HIVEP1: variants seen among roughly 807,000 people sequenced by gnomAD.
HIVEP1 encodes the protein zinc finger protein 40.
HIVEP1 carries 36 observed loss-of-function variants against 180.0 expected under a neutral mutation model. The ratio of observed to expected loss-of-function variants is 0.20; its 90% CI spans 0.15 to 0.26. HIVEP1 has a LOEUF of 0.26. Ranked by LOEUF, HIVEP1 falls within the 10% of genes least tolerant of loss-of-function variation. The probability of loss-of-function intolerance (pLI) is 1.00; values close to 1 mark genes in which losing one functional copy is unlikely to be tolerated. For missense variants in HIVEP1, 3,143 were observed against 3,268.7 expected (o/e 0.96, Z 0.94); for synonymous variants, 1,239 against 1,239.0 (o/e 1.00, Z 0.00).
Position 12,146,963 on chromosome 6 carries a change from T to G in HIVEP1, c.6487+11071T>G, listed in dbSNP as rs568141200. ...CCCAGAAGGAAGGGAAGGAATTTAT[T>G]TATCCCTACACTGCTGCATTTGGAA... is the stretch of plus-strand genomic sequence containing the variant. On this transcript the variant is annotated intron_variant, in intron 7 of 8. Transcript: ENST00000379388. 8.6e-4 allele frequency among the ~76,000 whole-genome samples: 131 copies of G among 152,080 alleles called. 1 individual carries two copies. The highest frequency in any genetic ancestry group is 1.6e-3 in the Non-Finnish European group (107 of 67,994).
intron 2 of HIVEP1, among the ~76,000 whole-genome samples, chr6:12,084,519 A>G (rs993979172): frequency 6.6e-5 from 10 of 152,298 alleles, no homozygotes; most frequent in African/African-American, 2.4e-4. Flanking sequence ...GCTGGATACA[A>G]TTTTAATTTT....
Position 12,121,991 on chromosome 6 carries a change from A to G in HIVEP1, c.2196A>G (p.Pro732=), listed in dbSNP as rs185723293. ...CAGGGGAAAAGGCATTGCTTTTACC[A>G]GGTCAGATGCGCCCACCTTTGGCCA... ...LPTGEKALLL[P]GQMRPPLATK... The change falls in exon 4 of 9, where the codon CCA becomes CCG. Residue 732 remains proline, a synonymous_variant. Transcript: ENST00000379388. This position sits in a 1 kb window ranked among gnomAD's most constrained non-coding sequence, Gnocchi z 5.3. The G allele has an allele frequency of 1.1e-5, 18 of 1,614,050 alleles. No homozygotes were observed. The highest frequency in any genetic ancestry group is 1.4e-5 in the Non-Finnish European group (17 of 1,180,032).
the HIVEP1 span, among the ~76,000 whole-genome samples, chr6:12,211,577 C>T: frequency 6.6e-6 from 1 of 151,134 alleles, no homozygotes; most frequent in African/African-American, 2.4e-5. Flanking sequence ...TTCATACATA[C>T]ATCCATGTGT....
At chr6:12,196,265 G>C in the HIVEP1 span, among the ~76,000 whole-genome samples, 1 of 152,170 alleles carries the variant, frequency 6.6e-6, no homozygotes, top group African/African-American at 2.4e-5. Context: ...CTTTGTGGTT[G>C]AGAAGCTTCC....
rs1760564763 is a variant in HIVEP1 at position 12,163,791 on chromosome 6, T to C, written c.7487T>C (p.Val2496Ala). The change falls in exon 9 of 9, where the codon GTC (valine) becomes GCC (alanine). Residue 2496 changes from valine (V) to alanine (A), a missense_variant. Physicochemically the swap from Val to Ala is moderately conservative, Grantham distance 64. Coordinates refer to ENST00000379388, the MANE Select transcript of HIVEP1 (RefSeq NM_002114.4). ...QSLPSLSMET[V>A]NIVGLANTNM... Reference sequence around the variant, plus strand: ...CTCCCCTCGTTAAGCATGGAAACCGTCAATATTGTAGGCCTAGCCAATACA... The same window carrying C: ...CTCCCCTCGTTAAGCATGGAAACCGCCAATATTGTAGGCCTAGCCAATACA... The C allele has an allele frequency of 6.2e-7, 1 of 1,614,010 alleles. No individual in the cohort carries two copies. The highest frequency in any genetic ancestry group is 8.5e-7 in the Non-Finnish European group (1 of 1,180,016).
chr6:12,125,982 G>A, intron 4 of HIVEP1, 112 bp downstream of exon 4: 1 of 668,420 alleles, frequency 1.5e-6, no homozygotes, highest in Non-Finnish European at 2.5e-6. Flanking sequence ...GTGACAAATT[G>A]TGCTGTAAAT....
Position 12,012,485 on chromosome 6 carries a change from C to G in HIVEP1, c.-185C>G, listed in dbSNP as rs896443199. 4 of 150,134 alleles carry G rather than the reference C, an allele frequency of 2.7e-5. No homozygotes were observed. The highest frequency in any genetic ancestry group is 6.6e-5 in the Admixed American group (1 of 15,070). The allele number at this position is 150,134 out of a possible 1,614,324, so 9.3% of individuals were successfully genotyped here. ...CGCCGCGCGGGGGTCGCGGAGATCC[C>G]GAGCCGCGGCCGCCGCCATCAGCAG... On this transcript the variant is annotated 5_prime_UTR_variant, in exon 1 of 9. Coordinates refer to ENST00000379388, the MANE Select transcript of HIVEP1 (RefSeq NM_002114.4).
intron 2 of HIVEP1, among the ~76,000 whole-genome samples, chr6:12,078,252 G>A (rs895619193): frequency 7.9e-5 from 12 of 152,062 alleles, no homozygotes; most frequent in Admixed American, 5.9e-4. Flanking sequence ...ATTTAAGAAC[G>A]TCTGAAAGAA....
chr6:12,094,205 T>TC (rs1446021146), intron 3 of HIVEP1, among the ~76,000 whole-genome samples: 2 of 152,212 alleles, frequency 1.3e-5, no homozygotes, highest in Admixed American at 1.3e-4. Flanking sequence ...TATTTTTATA[T>TC]CCAGCTACTT....
At chr6:12,197,990 G>T in the HIVEP1 span, among the ~76,000 whole-genome samples, 1 of 152,314 alleles carries the variant, frequency 6.6e-6, no homozygotes, top group Admixed American at 6.5e-5. Flanking sequence ...GGACCAGTTG[G>T]CTGGACGTGG....
At chr6:12,132,965 C>T (rs1758507020) in intron 6 of HIVEP1, among the ~76,000 whole-genome samples, 2 of 151,974 alleles carry the variant, frequency 1.3e-5, no homozygotes, top group African/African-American at 4.8e-5. Context: ...TGAATTATGC[C>T]CCAGATTTTC....
At chr6:12,068,525 G>A (rs1308083033) in intron 2 of HIVEP1, among the ~76,000 whole-genome samples, 1 of 152,128 alleles carries the variant, frequency 6.6e-6, no homozygotes, top group Non-Finnish European at 1.5e-5. Context: ...TTGGAAGGAG[G>A]AAACAGGCAT....
intron 2 of HIVEP1, among the ~76,000 whole-genome samples, chr6:12,072,772 T>C (rs1772068580): frequency 6.6e-6 from 1 of 152,238 alleles, no homozygotes; most frequent in Admixed American, 6.5e-5. Flanking sequence ...TTATTTCAGC[T>C]ATTGTACTTT....
Position 12,055,334 on chromosome 6 carries a change from A to G in HIVEP1, c.41-33850A>G, listed in dbSNP as rs374858496. On this transcript the variant is annotated intron_variant, in intron 2 of 8. Transcript: ENST00000379388. ...CTAAAAATGCAAAAATTAGCTGGGC[A>G]TGGTGGCACGTGCCTGTAATCCCAG... is the stretch of plus-strand genomic sequence containing the variant. 8.5e-4 allele frequency among the ~76,000 whole-genome samples: 129 copies of G among 152,206 alleles called. 2 individuals are homozygous for G. The South Asian group carries it at 0.01, about 12-fold the overall frequency.
At chr6:12,181,268 G>A in the HIVEP1 span, among the ~76,000 whole-genome samples, 4 of 152,066 alleles carry the variant, frequency 2.6e-5, no homozygotes, top group Non-Finnish European at 4.4e-5. Flanking sequence ...GCTGAGGCAG[G>A]AGAATGGCAT....
At chr6:12,170,632 A>C in the HIVEP1 span, among the ~76,000 whole-genome samples, 1 of 152,190 alleles carries the variant, frequency 6.6e-6, no homozygotes, top group African/African-American at 2.4e-5. Context: ...CCAAGGGAAT[A>C]AACCACATTT....
intron 7 of HIVEP1, among the ~76,000 whole-genome samples, chr6:12,140,170 C>G (rs1403475441): frequency 6.6e-6 from 1 of 152,230 alleles, no homozygotes; most frequent in African/African-American, 2.4e-5. Context: ...ATTTGCCGTT[C>G]TGCAATATTT....
In HIVEP1 at chr6:12,164,748, A is replaced by G. The variant is rs1760645945; in HGVS notation, c.*287A>G. ...ATATGTATATGAAAACCAGGTAGTT[A>G]TTTGTGTTTAGTAAGGAAAACCTGT... On this transcript the variant is annotated 3_prime_UTR_variant, in exon 9 of 9. Transcript: ENST00000379388. The G allele has an allele frequency of 4.9e-6, 1 of 202,898 alleles. No homozygotes were observed. Among genetic ancestry groups the G allele is most frequent in the South Asian group, 1.3e-4 (1 of 7,964 alleles). 12.6% of individuals were successfully genotyped at this position (202,898 alleles called of 1,614,324 possible).
chr6:12,139,693 C>G (rs528632042), intron 7 of HIVEP1, among the ~76,000 whole-genome samples: 10 of 152,386 alleles, frequency 6.6e-5, no homozygotes, highest in African/African-American at 2.4e-4. Flanking sequence ...TATCCCGCAT[C>G]TGGCTTGGTG....
Sources: allele counts gnomAD v4.1 joint callset (sites outside exome capture counted in the v4.1 genomes callset), GRCh38; gene constraint gnomAD v4.1.1; non-coding constraint Gnocchi (gnomAD v3.1); transcripts MANE v1.5; gene names NCBI Gene and HGNC (gene_info 2026-07-23, HGNC 2026-07-21).